Variants in SMOC2 observed in about 807,000 individuals in gnomAD.
SMOC2 encodes SPARC-related modular calcium-binding protein 2.
In SMOC2, 39 loss-of-function variants were observed where a neutral mutation model predicts 61.4. The ratio of observed to expected loss-of-function variants is 0.64; its 90% confidence interval spans 0.49 to 0.83. The LOEUF (loss-of-function observed/expected upper bound fraction) is 0.83. Among genes scored for constraint, SMOC2 ranks in the 40% least tolerant of loss-of-function variants. The pLI is 0.00. For synonymous variants in SMOC2, 247 were observed against 239.9 expected (o/e 1.03, Z -0.27); for missense variants, 556 against 592.9 (o/e 0.94, Z 0.65).
intron 1 of SMOC2, among the ~76,000 whole-genome samples, chr6:168,460,114 A>T (rs1398624939): frequency 6.6e-6 from 1 of 152,216 alleles, no homozygotes; most frequent in African/African-American, 2.4e-5. Context: ...ATACCCCAAA[A>T]GATATTCTTG....
At position 168,638,628 on chromosome 6, in the gene SMOC2, G is replaced by A. The variant is rs1583179063; in HGVS notation, c.908-12053G>A. 3.3e-5 allele frequency among the ~76,000 whole-genome samples: 5 copies of A among 152,304 alleles called. 1 individual carries two copies. The highest frequency in any genetic ancestry group is 3.3e-4 in the Admixed American group (5 of 15,302). On this transcript the variant is annotated intron_variant, in intron 9 of 12. Coordinates refer to ENST00000356284, the MANE Select transcript of SMOC2 (RefSeq NM_001166412.2). The stretch of plus-strand genomic sequence containing the variant: ...GAGGCTGGGAAGGCCCATCAGGAGG[G>A]ACAGCCGGAATTCCCGCGGAGTGGA...
intron 7 of SMOC2, among the ~76,000 whole-genome samples, chr6:168,552,992 C>T (rs577335621): frequency 6.6e-5 from 10 of 152,166 alleles, no homozygotes; most frequent in Admixed American, 3.3e-4. Context: ...AAGATTTGTA[C>T]CAGCATATGT....
At chr6:168,540,087 T>C (rs1783844673) in intron 4 of SMOC2, among the ~76,000 whole-genome samples, 1 of 152,214 alleles carries the variant, frequency 6.6e-6, no homozygotes, top group Non-Finnish European at 1.5e-5. Flanking sequence ...ACGGTTGCAA[T>C]AGACATTGCT....
chr6:168,445,622 A>AT (rs1017262935), intron 1 of SMOC2, among the ~76,000 whole-genome samples: 196 of 152,024 alleles, frequency 1.3e-3, no homozygotes, highest in African/African-American at 4.4e-3. Flanking sequence ...AATTACTGTG[A>AT]TTTTTTTTCC....
At chr6:168,638,059 G>A (rs1786790234) in intron 9 of SMOC2, among the ~76,000 whole-genome samples, 1 of 145,236 alleles carries the variant, frequency 6.9e-6, no homozygotes, top group Admixed American at 7.2e-5. Context: ...TCCCTGCCCT[G>A]CCCCTGCCCC....
Position 168,664,083 on chromosome 6 carries a change from G to A in SMOC2, c.1295G>A (p.Gly432Asp), listed in dbSNP as rs1787590684. 6.2e-7 allele frequency: 1 copy of A among 1,604,600 alleles called. No homozygotes were observed. The highest frequency in any genetic ancestry group is 8.5e-7 in the Non-Finnish European group (1 of 1,177,170). The change falls in exon 12 of 13, where the codon GGT becomes GAT. Residue 432 changes from glycine (G) to aspartate (D), a missense_variant. Coordinates refer to ENST00000356284, the MANE Select transcript of SMOC2 (RefSeq NM_001166412.2). ...ADTKKRHTPR[G>D]HAESTSNRQP... ...TTTTTTTTCCTGCTAGCCCCCAGAG[G>A]TCATGCTGAAAGTACGTCTAATAGA... is the stretch of plus-strand genomic sequence containing the variant.
rs79243033 is a variant in SMOC2, at chr6:168,539,116, G to A, written c.464-4509G>A. ...ACCTGGACGGCCACATGAAATGCCC[G>A]CATGTCCCCTCTCAGTCTTCATGCT... On this transcript the variant is annotated intron_variant, in intron 4 of 12. Coordinates refer to ENST00000356284, the MANE Select transcript of SMOC2 (RefSeq NM_001166412.2). Among the ~76,000 whole-genome samples, 531 of 152,224 alleles carry A rather than the reference G, an allele frequency of 3.5e-3. 8 individuals are homozygous for A. Among genetic ancestry groups the A allele is most frequent in the East Asian group, 0.027 (138 of 5,176 alleles).
At chr6:168,558,719 C>A (rs1413249358) in intron 7 of SMOC2, among the ~76,000 whole-genome samples, 2 of 152,238 alleles carry the variant, frequency 1.3e-5, no homozygotes, top group African/African-American at 4.8e-5. Context: ...AATAGGGATT[C>A]AGGGCATCTC....
chr6:168,658,096 G>A (rs1432514541), intron 11 of SMOC2, among the ~76,000 whole-genome samples: 1 of 152,220 alleles, frequency 6.6e-6, no homozygotes, highest in Middle Eastern at 3.2e-3. Context: ...CTGGGGGACT[G>A]ATGGGGAGAT....
intron 2 of SMOC2, among the ~76,000 whole-genome samples, chr6:168,516,650 A>C (rs537054399): frequency 1.3e-5 from 2 of 152,298 alleles, no homozygotes; most frequent in East Asian, 3.9e-4. Flanking sequence ...CGGTGCAGGA[A>C]GTCCACAGGT....
chr6:168,531,655 A>G (rs76906972), intron 4 of SMOC2, among the ~76,000 whole-genome samples: 3,182 of 152,304 alleles, frequency 0.021, 95 homozygotes, highest in African/African-American at 0.073. Context: ...CCACTTGGCC[A>G]CGCAGAAGTG....
At chr6:168,606,994 C>T (rs113205307) in intron 8 of SMOC2, among the ~76,000 whole-genome samples, 1,663 of 152,052 alleles carry the variant, frequency 0.011, 29 homozygotes, top group African/African-American at 0.039. Flanking sequence ...GGAGGGGAAG[C>T]GAGGAAAGTT....
At position 168,650,670 on chromosome 6, in the gene SMOC2, G is replaced by T; in HGVS notation, c.908-11G>T. ...ATGAGTTAATTATGAAAACATACACGTGTTTTTCAGGTTGTCCGGGTGCCA... is the reference window on the plus strand; with the variant it reads ...ATGAGTTAATTATGAAAACATACACTTGTTTTTCAGGTTGTCCGGGTGCCA... On this transcript the variant is annotated splice_polypyrimidine_tract_variant and intron_variant, in intron 9 of 12. Transcript: ENST00000356284. 1 of 1,610,156 alleles carries T rather than the reference G, an allele frequency of 6.2e-7. No individual in the cohort carries two copies. Among genetic ancestry groups the T allele is most frequent in the Non-Finnish European group, 8.5e-7 (1 of 1,176,980 alleles).
At chr6:168,554,564 T>C (rs1269290793) in intron 7 of SMOC2, among the ~76,000 whole-genome samples, 1 of 152,204 alleles carries the variant, frequency 6.6e-6, no homozygotes, top group Non-Finnish European at 1.5e-5. Flanking sequence ...GTCTCAGGCC[T>C]GCACAGGCCG....
At chr6:168,627,601 C>G (rs1034479082) in intron 9 of SMOC2, among the ~76,000 whole-genome samples, 5 of 152,160 alleles carry the variant, frequency 3.3e-5, no homozygotes, top group African/African-American at 1.2e-4. Context: ...AACTTCCATT[C>G]AATGGAGTGA....
At chr6:168,634,204 G>A (rs1048222754) in intron 9 of SMOC2, among the ~76,000 whole-genome samples, 1 of 152,154 alleles carries the variant, frequency 6.6e-6, no homozygotes, top group Non-Finnish European at 1.5e-5. Context: ...GGGATTTCTA[G>A]AGCCTGTAGT....
intron 2 of SMOC2, 38 bp from the exon 3 acceptor site, chr6:168,526,308 A>AT: frequency 6.4e-7 from 1 of 1,560,954 alleles, no homozygotes; most frequent in East Asian, 2.2e-5. Context: ...TCTTCTTCCC[A>AT]TTGCATAACC....
intron 9 of SMOC2, among the ~76,000 whole-genome samples, chr6:168,618,877 C>T (rs1786172888): frequency 6.6e-6 from 1 of 152,196 alleles, no homozygotes; most frequent in South Asian, 2.1e-4. Flanking sequence ...GAGTGCCCTT[C>T]AGTCACTACT....
intron 1 of SMOC2, among the ~76,000 whole-genome samples, chr6:168,485,286 C>G (rs539919672): frequency 2.0e-5 from 3 of 152,160 alleles, no homozygotes; most frequent in African/African-American, 7.2e-5. Context: ...AAAGTTTAAT[C>G]AGAGTTCTCT....
Sources: allele counts gnomAD v4.1 joint callset (sites outside exome capture counted in the v4.1 genomes callset), GRCh38; gene constraint gnomAD v4.1.1; transcripts MANE v1.5; gene names NCBI Gene and HGNC (gene_info 2026-07-23, HGNC 2026-07-21).